The following CAST variants were observed in gnomAD, a reference collection of about 807,000 sequenced individuals.
The protein encoded by CAST is calpastatin, also known as MIR583 host.
CAST carries 76 observed loss-of-function variants against 119.6 expected under a neutral mutation model. The observed-to-expected ratio is 0.64, with a 90% CI of 0.53 to 0.77. The LOEUF is 0.77. Among genes scored for constraint, CAST ranks in the 30% least tolerant of loss-of-function variants. The pLI is 0.00. For missense variants in CAST, 953 were observed against 946.5 expected (o/e 1.01, Z -0.09); for synonymous variants, 319 against 331.6 (o/e 0.96, Z 0.41).
the CAST span, among the ~76,000 whole-genome samples, chr5:96,049,606 G>C: frequency 6.6e-6 from 1 of 152,104 alleles, no homozygotes. Flanking sequence ...AGATGGTGAT[G>C]TAATTTACTT....
chr5:96,553,802 C>G (rs1408815120), intron 1 of CAST, among the ~76,000 whole-genome samples: 1 of 152,146 alleles, frequency 6.6e-6, no homozygotes, highest in Non-Finnish European at 1.5e-5. Context: ...CTCCCATTCT[C>G]AATTGCTACT....
the CAST span, among the ~76,000 whole-genome samples, chr5:96,053,716 C>A: frequency 6.6e-6 from 1 of 152,142 alleles, no homozygotes; most frequent in Non-Finnish European, 1.5e-5. Flanking sequence ...TAGGGCAGGT[C>A]AGAGAGCTCA....
chr5:96,329,478 T>C, the CAST span, among the ~76,000 whole-genome samples: 1 of 152,120 alleles, frequency 6.6e-6, no homozygotes, highest in South Asian at 2.1e-4. Context: ...TGCCCACAGA[T>C]GCTGTAAATT....
At chr5:96,609,507 G>T (rs1157890925) in intron 1 of CAST, among the ~76,000 whole-genome samples, 1 of 152,154 alleles carries the variant, frequency 6.6e-6, no homozygotes, top group Non-Finnish European at 1.5e-5. Context: ...CTGATATTCT[G>T]CAGTTCCAAC....
the CAST span, among the ~76,000 whole-genome samples, chr5:96,379,140 G>A: frequency 6.6e-6 from 1 of 152,136 alleles, no homozygotes; most frequent in Non-Finnish European, 1.5e-5. Context: ...ATCTTTATGA[G>A]CTTTTGATAC....
intron 2 of CAST, among the ~76,000 whole-genome samples, chr5:96,690,143 A>G (rs152005): frequency 0.2 from 29,846 of 152,154 alleles, 3,315 homozygotes; most frequent in East Asian, 0.32. Flanking sequence ...AACAACAACA[A>G]CAAGCAACTC....
At chr5:96,384,110 T>C in the CAST span, among the ~76,000 whole-genome samples, 2 of 152,158 alleles carry the variant, frequency 1.3e-5, no homozygotes, top group African/African-American at 4.8e-5. Flanking sequence ...ATGAGGTATG[T>C]ACAGAGAAGA....
the CAST span, among the ~76,000 whole-genome samples, chr5:96,008,343 A>T: frequency 1.3e-5 from 2 of 152,194 alleles, no homozygotes; most frequent in Non-Finnish European, 2.9e-5. Context: ...AAATCCAAAA[A>T]TATATGATTT....
At chr5:96,289,974 C>A in the CAST span, among the ~76,000 whole-genome samples, 5 of 151,486 alleles carry the variant, frequency 3.3e-5, no homozygotes, top group Admixed American at 2.6e-4. Flanking sequence ...TGGAGTGATC[C>A]AATGGATTGA....
chr5:96,265,571 G>A, the CAST span, among the ~76,000 whole-genome samples: 3 of 152,024 alleles, frequency 2.0e-5, no homozygotes, highest in Admixed American at 2.0e-4. Context: ...CTACCTTTTT[G>A]TTCTATTCAG....
chr5:96,403,955 G>T, the CAST span, among the ~76,000 whole-genome samples: 1 of 152,228 alleles, frequency 6.6e-6, no homozygotes, highest in African/African-American at 2.4e-5. Flanking sequence ...GGTGTGAAGG[G>T]ATTCAATGGT....
At chr5:96,071,072 C>T in the CAST span, among the ~76,000 whole-genome samples, 1 of 152,094 alleles carries the variant, frequency 6.6e-6, no homozygotes, top group African/African-American at 2.4e-5. Context: ...TGGTGGTATG[C>T]AGAGGTGCTT....
At chr5:95,972,117 C>G in the CAST span, among the ~76,000 whole-genome samples, 1 of 150,054 alleles carries the variant, frequency 6.7e-6, no homozygotes, top group East Asian at 1.9e-4. Context: ...TGCCACCAAA[C>G]ACAGCTAATT....
chr5:96,158,442 T>C, the CAST span, among the ~76,000 whole-genome samples: 1 of 152,202 alleles, frequency 6.6e-6, no homozygotes, highest in East Asian at 1.9e-4. Context: ...CTCACCATCA[T>C]TTCATTTGCT....
chr5:96,137,235 T>C, the CAST span, among the ~76,000 whole-genome samples: 7 of 152,318 alleles, frequency 4.6e-5, no homozygotes, highest in East Asian at 1.3e-3. Context: ...TTTTGTCTTT[T>C]ACAGAATGTG....
chr5:96,572,771 C>G (rs1289924164), intron 1 of CAST, among the ~76,000 whole-genome samples: 2 of 152,282 alleles, frequency 1.3e-5, no homozygotes, highest in South Asian at 2.1e-4. Flanking sequence ...CTTGGGCAGG[C>G]TTTCTCTTTC....
the CAST span, among the ~76,000 whole-genome samples, chr5:96,462,532 G>A: frequency 0.031 from 4,694 of 151,866 alleles, 218 homozygotes; most frequent in African/African-American, 0.1. Flanking sequence ...TTAAATTGAC[G>A]GCATACAGTA....
At chr5:96,002,196 G>T in the CAST span, among the ~76,000 whole-genome samples, 1 of 152,230 alleles carries the variant, frequency 6.6e-6, no homozygotes, top group African/African-American at 2.4e-5. Flanking sequence ...AAAAGGCCTT[G>T]CCTGATCTAT....
At chr5:95,964,470 T>C in the CAST span, among the ~76,000 whole-genome samples, 1 of 152,172 alleles carries the variant, frequency 6.6e-6, no homozygotes, top group African/African-American at 2.4e-5. Flanking sequence ...TGAACCAGTA[T>C]AGTCAAAGCA....
Sources: allele counts gnomAD v4.1 joint callset (sites outside exome capture counted in the v4.1 genomes callset), GRCh38; gene constraint gnomAD v4.1.1; transcripts MANE v1.5; gene names NCBI Gene and HGNC (gene_info 2026-07-23, HGNC 2026-07-21).